C12orf54: variants seen among roughly 807,000 people sequenced by gnomAD.
The protein encoded by C12orf54 is uncharacterized protein C12orf54.
Under a neutral mutation model 26.4 loss-of-function variants are expected in C12orf54, and 24 were observed. That is an observed-to-expected ratio of 0.91 (90% confidence interval 0.66 to 1.28). The LOEUF (loss-of-function observed/expected upper bound fraction) is 1.28, where lower values mean the gene tolerates loss of function less well. C12orf54 is among the 50% of genes most tolerant of loss of function. The pLI is 0.00. For missense variants in C12orf54, 154 were observed against 150.9 expected (o/e 1.02, Z -0.11); for synonymous variants, 54 against 47.0 (o/e 1.15, Z -0.61).
the C12orf54 span, among the ~76,000 whole-genome samples, chr12:48,474,840 AAGAC>A: frequency 6.6e-6 from 1 of 152,244 alleles, no homozygotes; most frequent in Non-Finnish European, 1.5e-5. Context: ...GACAAACAAA[AAGAC>A]AGCAGTAACC....
the C12orf54 span, among the ~76,000 whole-genome samples, chr12:48,439,059 GA>G: frequency 3.3e-5 from 5 of 151,478 alleles, no homozygotes; most frequent in African/African-American, 9.7e-5. Flanking sequence ...AAATTTACAA[GA>G]AAAAAAACAA....
the C12orf54 span, among the ~76,000 whole-genome samples, chr12:48,440,600 T>C: frequency 6.6e-6 from 1 of 152,244 alleles, no homozygotes; most frequent in Non-Finnish European, 1.5e-5. Context: ...GCAGAGCTAC[T>C]TGTCTAGCAA....
chr12:48,458,114 C>T, the C12orf54 span, among the ~76,000 whole-genome samples: 1 of 152,194 alleles, frequency 6.6e-6, no homozygotes. Flanking sequence ...TTTCGGCTTC[C>T]TCTCAGCAGA....
At chr12:48,441,940 C>T in the C12orf54 span, 1 of 152,190 alleles carries the variant, frequency 6.6e-6, no homozygotes, top group Non-Finnish European at 1.5e-5. Context: ...CAGATCCTGA[C>T]ATCAAGGAAT....
chr12:48,432,459 A>T, the C12orf54 span, among the ~76,000 whole-genome samples: 1 of 152,252 alleles, frequency 6.6e-6, no homozygotes, highest in Non-Finnish European at 1.5e-5. Flanking sequence ...ATATTCATCA[A>T]AAATAGAACA....
At chr12:48,489,815 G>A (rs868514207) in intron 5 of C12orf54, among the ~76,000 whole-genome samples, 1 of 151,192 alleles carries the variant, frequency 6.6e-6, no homozygotes, top group South Asian at 2.1e-4. Flanking sequence ...TCCGCCTCCC[G>A]AGTTCCAGTG....
chr12:48,483,169 C>G, intron 1 of C12orf54, 71 bp from the exon 2 acceptor site: 1 of 715,898 alleles, frequency 1.4e-6, no homozygotes. Flanking sequence ...GCTGGTAGTT[C>G]TCCACTGAAT....
chr12:48,452,532 A>G, the C12orf54 span, among the ~76,000 whole-genome samples: 1 of 151,932 alleles, frequency 6.6e-6, no homozygotes, highest in Non-Finnish European at 1.5e-5. Flanking sequence ...AAACACAACA[A>G]CGACAACAAA....
At chr12:48,464,324 T>C in the C12orf54 span, among the ~76,000 whole-genome samples, 4 of 152,106 alleles carry the variant, frequency 2.6e-5, no homozygotes, top group East Asian at 3.9e-4. Context: ...CCATTCACAA[T>C]TGCCACAAAA....
the C12orf54 span, among the ~76,000 whole-genome samples, chr12:48,464,966 T>C: frequency 2.0e-5 from 3 of 151,658 alleles, no homozygotes; most frequent in African/African-American, 7.2e-5. Flanking sequence ...AAAAGCCTTG[T>C]ATTACAACCT....
the C12orf54 span, chr12:48,473,217 G>T: frequency 6.5e-6 from 8 of 1,237,798 alleles, no homozygotes; most frequent in Non-Finnish European, 9.4e-6. Flanking sequence ...AGATGCTCAG[G>T]TAATGGAAGA....
At chr12:48,469,328 G>A in the C12orf54 span, among the ~76,000 whole-genome samples, 3 of 152,246 alleles carry the variant, frequency 2.0e-5, no homozygotes, top group East Asian at 1.9e-4. Context: ...GAATGCCTTC[G>A]TTTTCCCAGA....
chr12:48,440,929 G>A, the C12orf54 span, among the ~76,000 whole-genome samples: 1 of 152,204 alleles, frequency 6.6e-6, no homozygotes, highest in East Asian at 1.9e-4. Flanking sequence ...CATGTATGGA[G>A]TCTGGGGTAG....
chr12:48,438,031 A>G, the C12orf54 span, among the ~76,000 whole-genome samples: 6,496 of 152,274 alleles, frequency 0.043, 475 homozygotes, highest in African/African-American at 0.15. Context: ...AATCTCCTTA[A>G]GCTGATAAGC....
chr12:48,415,916 A>G, the C12orf54 span, among the ~76,000 whole-genome samples: 1 of 152,122 alleles, frequency 6.6e-6, no homozygotes, highest in African/African-American at 2.4e-5. Context: ...TCGCCTTCCT[A>G]ATGTGCATGT....
chr12:48,491,850 T>C (rs891779135), intron 6 of C12orf54, among the ~76,000 whole-genome samples: 1 of 152,082 alleles, frequency 6.6e-6, no homozygotes, highest in African/African-American at 2.4e-5. Flanking sequence ...ATCACCTGGG[T>C]CCCTTGTTAA....
chr12:48,454,098 T>C, the C12orf54 span, among the ~76,000 whole-genome samples: 1 of 34,566 alleles, frequency 2.9e-5, no homozygotes, highest in East Asian at 5.1e-3. Context: ...TTTTGTTTGT[T>C]TTTTTTTTTT....
At chr12:48,432,122 G>T in the C12orf54 span, among the ~76,000 whole-genome samples, 1 of 152,192 alleles carries the variant, frequency 6.6e-6, no homozygotes, top group Non-Finnish European at 1.5e-5. Context: ...TAAGTAGGCT[G>T]ATTCCAGGAA....
chr12:48,417,527 C>A, the C12orf54 span, among the ~76,000 whole-genome samples: 1 of 152,160 alleles, frequency 6.6e-6, no homozygotes, highest in African/African-American at 2.4e-5. Flanking sequence ...ATATTCTATA[C>A]CCTCAACCTT....
Sources: allele counts gnomAD v4.1 joint callset (sites outside exome capture counted in the v4.1 genomes callset), GRCh38; gene constraint gnomAD v4.1.1; transcripts MANE v1.5; gene names NCBI Gene and HGNC (gene_info 2026-07-23, HGNC 2026-07-21).